Variants in BRCA1 observed in about 807,000 individuals in gnomAD.
BRCA1 encodes the protein BRCA1 DNA repair associated, also known as breast cancer type 1 susceptibility protein.
BRCA1 carries 140 observed loss-of-function variants against 173.7 expected under a neutral mutation model. That is an observed-to-expected ratio of 0.81 (90% CI 0.70 to 0.93). BRCA1 has a LOEUF of 0.93. Among genes scored for constraint, BRCA1 ranks in the 40% least tolerant of loss-of-function variants. The probability of loss-of-function intolerance (pLI) is 0.00; values close to 1 mark genes in which losing one functional copy is unlikely to be tolerated. For synonymous variants in BRCA1, 662 were observed against 756.0 expected (o/e 0.88, Z 2.04); for missense variants, 1,983 against 2,172.5 (o/e 0.91, Z 1.73).
chr17:43,074,438 G>A lies in BRCA1; in HGVS notation c.4568C>T (p.Pro1523Leu), dbSNP rs1555581955. 1 of 1,614,064 alleles carries A rather than the reference G, an allele frequency of 6.2e-7. No individual in the cohort carries two copies. Among genetic ancestry groups the A allele is most frequent in the Non-Finnish European group, 8.5e-7 (1 of 1,179,968 alleles). ...AACCTTAATGAGCTCCTCTTGAGAT[G>A]GGTAGTTTCTATTCTGAAGACTCCC... ...CSGSLQNRNY[P>L]SQEELIKVVD... The change falls in exon 14 of 23, where the codon CCA (proline) becomes CTA (leucine). Residue 1523 changes from proline to leucine, a missense_variant. By Grantham distance (98) the Pro-to-Leu change is moderately conservative. Coordinates refer to ENST00000357654, the MANE Select transcript of BRCA1 (RefSeq NM_007294.4).
intron 4 of BRCA1, among the ~76,000 whole-genome samples, chr17:43,105,253 AT>A (rs1026857767): frequency 6.6e-6 from 1 of 151,792 alleles, no homozygotes; most frequent in Non-Finnish European, 1.5e-5. Context: ...TTTTTGTTTA[AT>A]TTAGAGACAG....
upstream of BRCA1, among the ~76,000 whole-genome samples, chr17:43,129,099 A>G (rs2055942442): frequency 6.6e-6 from 1 of 152,248 alleles, no homozygotes; most frequent in African/African-American, 2.4e-5. Context: ...AACTTGTGCC[A>G]AGACAAGGTG....
rs80357524 is a variant in BRCA1 at position 43,093,097 on chromosome 17, TG to T, written c.2433del (p.Lys812ArgfsTer3). 2.5e-6 allele frequency: 4 copies of T among 1,613,658 alleles called. No homozygotes were observed. In the Admixed American group the frequency reaches 5.0e-5, roughly 20 times the overall value. On this transcript the variant is annotated frameshift_variant, in exon 10 of 23. Transcript: ENST00000357654. LOFTEE classifies it high-confidence loss of function. Reference protein sequence around the residue: ...CVSQCAAFENPKGLIHGCSKD... With the variant: ...CVSQCAAFENXKGLIHGCSKD... ...TTGGAACAACCATGAATTAGTCCCTTGGGGTTTTCAAATGCTGCACACTGAC... is the reference window on the plus strand; with the variant it reads ...TTGGAACAACCATGAATTAGTCCCTTGGGTTTTCAAATGCTGCACACTGAC...
At chr17:43,102,472 T>G (rs1342217787) in intron 6 of BRCA1, among the ~76,000 whole-genome samples, 1 of 148,644 alleles carries the variant, frequency 6.7e-6, no homozygotes, top group Non-Finnish European at 1.5e-5. Flanking sequence ...TTCTCCATCC[T>G]CAGCCTCTGG....
At chr17:43,082,257 C>T (rs2053031415) in intron 12 of BRCA1, 147 bp downstream of exon 12, 2 of 897,698 alleles carry the variant, frequency 2.2e-6, no homozygotes, top group South Asian at 1.7e-5. Context: ...TAGTTGTGAG[C>T]AGGGACAAGA....
upstream of BRCA1, among the ~76,000 whole-genome samples, chr17:43,130,153 T>G (rs1197514695): frequency 6.6e-6 from 1 of 152,194 alleles, no homozygotes; most frequent in Non-Finnish European, 1.5e-5. Context: ...TTCTAATGAC[T>G]GGTTTATTAT....
At chr17:43,137,607 A>T (rs2154581416) in intron 1 of BRCA1, among the ~76,000 whole-genome samples, 1 of 152,274 alleles carries the variant, frequency 6.6e-6, no homozygotes, top group South Asian at 2.1e-4. Flanking sequence ...CTGGCGGGGC[A>T]CAGTGGCTCA....
intron 11 of BRCA1, among the ~76,000 whole-genome samples, chr17:43,090,602 T>C (rs942812682): frequency 5.9e-5 from 9 of 152,240 alleles, no homozygotes; most frequent in Admixed American, 2.6e-4. Flanking sequence ...CTCAAACTTC[T>C]GACCTGAGGT....
rs764704412 is a variant in BRCA1 at position 43,045,161 on chromosome 17, C to G, written c.*517G>C. 7 of 535,134 alleles carry G rather than the reference C, an allele frequency of 1.3e-5. No homozygotes were observed. Among genetic ancestry groups the G allele is most frequent in the Non-Finnish European group, 1.8e-5 (5 of 276,978 alleles). The allele number at this position is 535,134 out of a possible 1,614,324, so 33.1% of individuals were successfully genotyped here. A position where few individuals can be genotyped will look rare whatever the true frequency, so the allele number is the denominator to read the frequency against. On this transcript the variant is annotated 3_prime_UTR_variant, in exon 23 of 23. Coordinates refer to ENST00000357654, the MANE Select transcript of BRCA1 (RefSeq NM_007294.4). ...TCAGAATTTCCTCCCCAATGTTCCA[C>G]TCCAACATTTGAGAACTGCCCAAGG...
At chr17:43,145,401 A>ACTG (rs1360986067) in intron 1 of BRCA1, 1 of 384,030 alleles carries the variant, frequency 2.6e-6, no homozygotes. Flanking sequence ...ATCTCGGCTC[A>ACTG]CTGCAAGCTC....
chr17:43,081,371 A>T (rs1280050299), intron 12 of BRCA1, among the ~76,000 whole-genome samples: 1 of 152,248 alleles, frequency 6.6e-6, no homozygotes. Context: ...TTTCTTCCTG[A>T]ACACAAAAAT....
At position 43,070,957 on chromosome 17, in the gene BRCA1, C is replaced by A. The variant is rs80357261; in HGVS notation, c.4957G>T (p.Val1653Leu). Residue 1653 changes from valine to leucine, a missense_variant, in exon 15 of 23, where the codon GTG becomes TTG. By Grantham distance (32) the Val-to-Leu change is conservative. Coordinates refer to ENST00000357654, the MANE Select transcript of BRCA1 (RefSeq NM_007294.4). ...TCTTCTGGGGTCAGGCCAGACACCA[C>A]CATGGACATTCTTTTGTTGACCCTT... is the stretch of plus-strand genomic sequence containing the variant. ...TERVNKRMSM[V>L]VSGLTPEEFM... 1.2e-6 allele frequency: 2 copies of A among 1,614,206 alleles called. No homozygotes were observed. The highest frequency in any genetic ancestry group is 4.5e-5 in the East Asian group (2 of 44,892).
chr17:43,063,842 A>G (rs2051902293), intron 17 of BRCA1, 32 bp downstream of exon 17: 1 of 1,572,702 alleles, frequency 6.4e-7, no homozygotes, highest in African/African-American at 1.4e-5. Flanking sequence ...GAGGTGTTAA[A>G]GGGAGGAGGG....
At chr17:43,051,669 C>T (rs534734759) in intron 19 of BRCA1, among the ~76,000 whole-genome samples, 1 of 149,672 alleles carries the variant, frequency 6.7e-6, no homozygotes, top group Admixed American at 6.7e-5. Flanking sequence ...CGGAGTCTCT[C>T]TCTGTCACCT....
chr17:43,139,576 G>A (rs1363227832), intron 1 of BRCA1, among the ~76,000 whole-genome samples: 1 of 151,974 alleles, frequency 6.6e-6, no homozygotes, highest in African/African-American at 2.4e-5. Context: ...GGCTGGTCTC[G>A]AACTCCTGAC....
chr17:43,077,133 C>A (rs1361707187), intron 12 of BRCA1, among the ~76,000 whole-genome samples: 2 of 151,864 alleles, frequency 1.3e-5, no homozygotes, highest in Non-Finnish European at 2.9e-5. Context: ...AAAGAAAAAA[C>A]AGGTGACATT....
chr17:43,097,529 G>T (rs1384396324), intron 7 of BRCA1, among the ~76,000 whole-genome samples: 1 of 152,050 alleles, frequency 6.6e-6, no homozygotes, highest in Non-Finnish European at 1.5e-5. Context: ...GAGATGGGTG[G>T]ATTATTTGAG....
rs138782023 is a variant in BRCA1 at position 43,044,928 on chromosome 17, T to C, written c.*750A>G. On this transcript the variant is annotated 3_prime_UTR_variant, in exon 23 of 23. Coordinates refer to ENST00000357654, the MANE Select transcript of BRCA1 (RefSeq NM_007294.4). ...AAGTGATTCTCCTGCCTTAGCCACC[T>C]GAGTAGCTGGGATTACAGGTGTCCA... is the stretch of plus-strand genomic sequence containing the variant. The C allele has an allele frequency of 4.3e-3, 2,019 of 473,330 alleles. 9 individuals carry two copies. The highest frequency in any genetic ancestry group is 6.6e-3 in the Non-Finnish European group (1,579 of 240,460). The allele number at this position is 473,330 out of a possible 1,614,324, so 29.3% of individuals were successfully genotyped here.
At chr17:43,166,219 T>G (rs1009441187) in intron 1 of BRCA1, 2 of 152,096 alleles carry the variant, frequency 1.3e-5, no homozygotes, top group African/African-American at 4.8e-5. Context: ...TCTTCCTCTC[T>G]CTCTTTTCCT....
Sources: allele counts gnomAD v4.1 joint callset (sites outside exome capture counted in the v4.1 genomes callset), GRCh38; gene constraint gnomAD v4.1.1; transcripts MANE v1.5; gene names NCBI Gene and HGNC (gene_info 2026-07-23, HGNC 2026-07-21).